IGSF21: variants seen among roughly 807,000 people sequenced by gnomAD.
IGSF21 encodes the protein immunoglobin superfamily member 21, also known as immunoglobulin superfamily member 21.
A neutral mutation model predicts 46.8 loss-of-function variants in IGSF21; 28 were observed. That is an observed-to-expected ratio of 0.60 (90% CI 0.44 to 0.82). The LOEUF (loss-of-function observed/expected upper bound fraction) is 0.82, where lower values mean the gene tolerates loss of function less well. Ranked by LOEUF, IGSF21 falls within the 40% of genes least tolerant of loss-of-function variation. IGSF21 has a pLI of 0.00. For synonymous variants in IGSF21, 284 were observed against 273.6 expected (o/e 1.04, Z -0.38); for missense variants, 624 against 665.5 (o/e 0.94, Z 0.69).
intron 1 of IGSF21, among the ~76,000 whole-genome samples, chr1:18,126,378 C>A (rs1448479698): frequency 6.6e-6 from 1 of 152,142 alleles, no homozygotes; most frequent in Non-Finnish European, 1.5e-5. Context: ...CTGCTTGGTT[C>A]CACCCTCCTT....
intron 1 of IGSF21, among the ~76,000 whole-genome samples, chr1:18,210,684 C>T (rs906984897): frequency 1.3e-5 from 2 of 152,012 alleles, no homozygotes; most frequent in Non-Finnish European, 2.9e-5. Context: ...GGTTGTGGGG[C>T]TGTCCCCGCA....
intron 1 of IGSF21, chr1:18,110,884 C>G (rs2124397235): frequency 6.6e-6 from 1 of 152,562 alleles, no homozygotes; most frequent in South Asian, 2.1e-4. Flanking sequence ...GGAAACGTTC[C>G]GCTGAGAGCA....
chr1:18,218,936 A>G lies in IGSF21; in HGVS notation c.71-8962A>G, dbSNP rs1370886618. 2.0e-5 allele frequency among the ~76,000 whole-genome samples: 3 copies of G among 152,238 alleles called. No individual in the cohort carries two copies. The East Asian group carries it at 5.8e-4, about 29-fold the overall frequency. On this transcript the variant is annotated intron_variant, in intron 1 of 9. Transcript: ENST00000251296. Reference sequence around the variant, plus strand: ...GTAGAGCTGAAAAATACAATAACCAAAATAAAAAACTCACTGACTAGACTC... The same window carrying G: ...GTAGAGCTGAAAAATACAATAACCAGAATAAAAAACTCACTGACTAGACTC...
chr1:18,268,683 A>G (rs2085013596), intron 2 of IGSF21, among the ~76,000 whole-genome samples: 1 of 152,234 alleles, frequency 6.6e-6, no homozygotes, highest in Admixed American at 6.5e-5. Flanking sequence ...AACTTGCAAA[A>G]CAAAAGGCAA....
chr1:18,297,875 A>G (rs768395806), intron 3 of IGSF21, among the ~76,000 whole-genome samples: 1 of 152,108 alleles, frequency 6.6e-6, no homozygotes. Context: ...TTCTGAACCC[A>G]TGGATCCGGA....
intron 4 of IGSF21, among the ~76,000 whole-genome samples, chr1:18,356,803 G>A (rs982110008): frequency 2.0e-5 from 3 of 152,074 alleles, no homozygotes. Context: ...ATGTGATAGA[G>A]ATTAAGTGTG....
At chr1:18,248,966 G>A (rs2084810708) in intron 2 of IGSF21, among the ~76,000 whole-genome samples, 1 of 152,084 alleles carries the variant, frequency 6.6e-6, no homozygotes, top group Non-Finnish European at 1.5e-5. Flanking sequence ...ATACACTAAG[G>A]TTTGAAGAAT....
intron 1 of IGSF21, among the ~76,000 whole-genome samples, chr1:18,184,969 C>T (rs1158849183): frequency 6.6e-6 from 1 of 152,176 alleles, no homozygotes; most frequent in Non-Finnish European, 1.5e-5. Flanking sequence ...ATAAGAGTAC[C>T]TGTATCATAG....
At chr1:18,143,554 C>G (rs1261243482) in intron 1 of IGSF21, among the ~76,000 whole-genome samples, 1 of 152,182 alleles carries the variant, frequency 6.6e-6, no homozygotes, top group East Asian at 1.9e-4. Flanking sequence ...CTCCCCACAC[C>G]ACAGACGCCT....
intron 1 of IGSF21, among the ~76,000 whole-genome samples, chr1:18,162,105 C>T (rs1475998181): frequency 1.3e-5 from 2 of 152,050 alleles, no homozygotes; most frequent in African/African-American, 2.4e-5. Context: ...GTGGCATGAT[C>T]ACAACTCACA....
chr1:18,370,775 AT>A (rs1228046147), intron 6 of IGSF21, among the ~76,000 whole-genome samples: 1 of 152,170 alleles, frequency 6.6e-6, no homozygotes. Context: ...AGACTACCCA[AT>A]TTTTTAAAAA....
rs558065238 is a variant in IGSF21, at chr1:18,181,478, A to G, written c.71-46420A>G. ...ACCTTTAGATTGTGCTGGGGATTAAATGAGATAATACATGCTTCTGGCAGG... is the reference window on the plus strand; with the variant it reads ...ACCTTTAGATTGTGCTGGGGATTAAGTGAGATAATACATGCTTCTGGCAGG... On this transcript the variant is annotated intron_variant, in intron 1 of 9. Transcript: ENST00000251296. Among the ~76,000 whole-genome samples, 23 of 152,276 alleles carry G rather than the reference A, an allele frequency of 1.5e-4. 1 individual carries two copies. The South Asian group carries it at 4.6e-3, about 30-fold the overall frequency.
intron 2 of IGSF21, among the ~76,000 whole-genome samples, chr1:18,251,323 G>A (rs2084839344): frequency 6.6e-6 from 1 of 152,140 alleles, no homozygotes; most frequent in Non-Finnish European, 1.5e-5. Flanking sequence ...TGCTAGTCAG[G>A]AGAGCCTGCG....
chr1:18,341,079 C>CTT (rs2085834591), intron 4 of IGSF21, among the ~76,000 whole-genome samples: 1 of 50,080 alleles, frequency 2.0e-5, no homozygotes, highest in Non-Finnish European at 4.1e-5. Context: ...TTCTTCTTCT[C>CTT]CTCCTCCTCC....
intron 3 of IGSF21, among the ~76,000 whole-genome samples, chr1:18,296,574 C>T (rs1043426600): frequency 6.6e-6 from 1 of 152,176 alleles, no homozygotes; most frequent in Admixed American, 6.5e-5. Flanking sequence ...GAACCTCTCA[C>T]GTGAAGGTCT....
At chr1:18,277,030 G>T (rs2124551479) in intron 2 of IGSF21, among the ~76,000 whole-genome samples, 1 of 152,366 alleles carries the variant, frequency 6.6e-6, no homozygotes, top group South Asian at 2.1e-4. Context: ...TGGTGTTGGG[G>T]AAAGAGACAG....
At chr1:18,180,439 G>C (rs1029364290) in intron 1 of IGSF21, among the ~76,000 whole-genome samples, 4 of 152,240 alleles carry the variant, frequency 2.6e-5, no homozygotes, top group Non-Finnish European at 5.9e-5. Flanking sequence ...CCATTGCAGA[G>C]ACTGAGGCCT....
rs2085747365 is a variant in IGSF21, at chr1:18,334,607, T to A, written c.306-285T>A. 6.6e-6 allele frequency among the ~76,000 whole-genome samples: 1 copy of A among 152,144 alleles called. No individual in the cohort carries two copies. The highest frequency in any genetic ancestry group is 2.4e-5 in the African/African-American group (1 of 41,418). ...CACGGCTCCCTGGAAGTGGGCACCA[T>A]CCCAGGCTCATGGAAGCCAACAGGC... On this transcript the variant is annotated intron_variant, in intron 3 of 9. Transcript: ENST00000251296. This position sits in a 1 kb window ranked among gnomAD's most constrained non-coding sequence, Gnocchi z 4.3.
intron 2 of IGSF21, among the ~76,000 whole-genome samples, chr1:18,274,032 CAG>C (rs764621034): frequency 5.5e-4 from 84 of 152,302 alleles, no homozygotes; most frequent in Admixed American, 3.2e-3. Context: ...AAAGATGAGT[CAG>C]GGGCTCACAT....
Sources: gnomAD v4.1 joint callset for allele counts (sites outside exome capture counted in the v4.1 genomes callset) on GRCh38, gnomAD v4.1.1 for gene constraint, Gnocchi (gnomAD v3.1) non-coding constraint, MANE v1.5 for transcripts, NCBI Gene and HGNC (gene_info 2026-07-23, HGNC 2026-07-21) for gene names.